Variants in CSNK2A1 observed in about 807,000 individuals in gnomAD.
CSNK2A1 encodes casein kinase II subunit alpha.
A neutral mutation model predicts 62.9 loss-of-function variants in CSNK2A1; 10 were observed. The observed-to-expected ratio is 0.16, with a 90% confidence interval of 0.10 to 0.27. The LOEUF (loss-of-function observed/expected upper bound fraction) is 0.27. Among genes scored for constraint, CSNK2A1 ranks in the 10% least tolerant of loss-of-function variants. CSNK2A1 has a pLI of 1.00. For missense variants in CSNK2A1, 160 were observed against 492.0 expected, an observed-to-expected ratio of 0.33 and a Z score of 6.38; for synonymous variants, 124 against 167.8, an observed-to-expected ratio of 0.74 and a Z score of 2.02.
chr20:534,813 G>A (rs1418578192), intron 1 of CSNK2A1, among the ~76,000 whole-genome samples: 1 of 151,140 alleles, frequency 6.6e-6, no homozygotes, highest in Non-Finnish European at 1.5e-5. Flanking sequence ...TGGATTGCCT[G>A]AGCTCAGGTG....
At chr20:491,038 G>A (rs1480086020) in intron 9 of CSNK2A1, among the ~76,000 whole-genome samples, 1 of 151,572 alleles carries the variant, frequency 6.6e-6, no homozygotes, top group Non-Finnish European at 1.5e-5. Context: ...ACAATTATTA[G>A]TAATACTGTA....
In CSNK2A1 at chr20:480,584, A is replaced by G. The variant is rs2017938979; in HGVS notation, c.*3377T>C. ...AAGTGATGACAGTGGGGGAAGTCGGATTCAGGATAAACCAATTTTAGACTC... is the reference window on the plus strand; with the variant it reads ...AAGTGATGACAGTGGGGGAAGTCGGGTTCAGGATAAACCAATTTTAGACTC... On this transcript the variant is annotated 3_prime_UTR_variant, in exon 14 of 14. Coordinates refer to ENST00000217244, the MANE Select transcript of CSNK2A1 (RefSeq NM_177559.3). The G allele has an allele frequency of 6.6e-6, 1 of 152,200 alleles. No homozygotes were observed. The highest frequency in any genetic ancestry group is 2.4e-5 in the African/African-American group (1 of 41,448). The allele number at this position is 152,200 out of a possible 1,614,324, so 9.4% of individuals were successfully genotyped here. A position where few individuals can be genotyped will look rare whatever the true frequency, so the allele number is the denominator to read the frequency against.
chr20:478,899 C>G lies in CSNK2A1; in HGVS notation c.*5062G>C. ...CTGTGATGGCGCTACTGCACTCTAG[C>G]CTGGGTAACAGAGCAAGACCCGTAT... On this transcript the variant is annotated 3_prime_UTR_variant, in exon 14 of 14. Transcript: ENST00000217244. The G allele has an allele frequency of 5.0e-6, 1 of 198,464 alleles. No individual in the cohort carries two copies. The allele number at this position is 198,464 out of a possible 1,614,324, so 12.3% of individuals were successfully genotyped here. A position where few individuals can be genotyped will look rare whatever the true frequency, so the allele number is the denominator to read the frequency against.
At chr20:510,874 A>G (rs1167430920) in intron 2 of CSNK2A1, among the ~76,000 whole-genome samples, 1 of 151,860 alleles carries the variant, frequency 6.6e-6, no homozygotes, top group Non-Finnish European at 1.5e-5. Flanking sequence ...GGGCTACCAC[A>G]GCTGGCTAAT....
In CSNK2A1 at chr20:495,756, T is replaced by C. The variant is rs2122531973; in HGVS notation, c.473A>G (p.Lys158Arg). The C allele has an allele frequency of 6.2e-7, 1 of 1,614,178 alleles. No individual in the cohort carries two copies. The change falls in exon 8 of 14, where the codon AAG becomes AGG. Residue 158 changes from lysine to arginine, a missense_variant. By Grantham distance (26) the Lys-to-Arg change is conservative. Coordinates refer to ENST00000217244, the MANE Select transcript of CSNK2A1 (RefSeq NM_177559.3). The part of the protein sequence containing the change: ...HSMGIMHRDV[K>R]PHNVMIDHEH... ...ATGATCAATCATGACATTATGGGGCTTGACATCTCTGTGCATAATTCCCAT... is the reference window on the plus strand; with the variant it reads ...ATGATCAATCATGACATTATGGGGCCTGACATCTCTGTGCATAATTCCCAT...
At chr20:514,177 C>T (rs2018782223) in intron 2 of CSNK2A1, among the ~76,000 whole-genome samples, 1 of 151,884 alleles carries the variant, frequency 6.6e-6, no homozygotes, top group Non-Finnish European at 1.5e-5. Context: ...GACCTCCTCT[C>T]TACAAATAAC....
rs1467777416 is a variant in CSNK2A1, at chr20:529,083, C to T, written c.-226-1034G>A. 3.3e-5 allele frequency among the ~76,000 whole-genome samples: 5 copies of T among 152,306 alleles called. No individual in the cohort carries two copies. The East Asian group carries it at 9.6e-4, about 29-fold the overall frequency. On this transcript the variant is annotated intron_variant, in intron 1 of 13. Transcript: ENST00000217244. ...AGAGACGAGGATTCACTCAGTCACC[C>T]AGGCTGGAGTGCAGTGGTGCAACCG...
chr20:487,842 G>A (rs1307864421), intron 11 of CSNK2A1: 13 of 474,626 alleles, frequency 2.7e-5, no homozygotes, highest in African/African-American at 5.8e-5. Flanking sequence ...GGACGTGACC[G>A]CTTCTGTGTA....
At chr20:523,858 CAAAAA>C (rs11401840) in intron 2 of CSNK2A1, among the ~76,000 whole-genome samples, 8 of 45,540 alleles carry the variant, frequency 1.8e-4, no homozygotes, top group African/African-American at 6.4e-4. Flanking sequence ...GACTCCATCT[CAAAAA>C]AAAAAAAAAA....
chr20:489,110 T>C, intron 10 of CSNK2A1: 1 of 251,162 alleles, frequency 4.0e-6, no homozygotes, highest in South Asian at 5.8e-5. Flanking sequence ...ACATTTCTAC[T>C]CTGAAGTTAT....
chr20:534,850 GA>G (rs1218857811), intron 1 of CSNK2A1, among the ~76,000 whole-genome samples: 1 of 147,684 alleles, frequency 6.8e-6, no homozygotes, highest in Non-Finnish European at 1.5e-5. Flanking sequence ...GAAACACAGT[GA>G]AACCCCATCT....
chr20:501,665 C>G (rs1363387587), intron 4 of CSNK2A1: 1 of 152,122 alleles, frequency 6.6e-6, no homozygotes, highest in Non-Finnish European at 1.5e-5. Context: ...GGCCTGCGTG[C>G]CTGCTGTACT....
chr20:490,693 T>C (rs1443336384), intron 9 of CSNK2A1, among the ~76,000 whole-genome samples: 1 of 147,250 alleles, frequency 6.8e-6, no homozygotes, highest in Non-Finnish European at 1.5e-5. Context: ...CGTGAGCCAC[T>C]GTGCCTGGCT....
intron 1 of CSNK2A1, among the ~76,000 whole-genome samples, chr20:541,878 G>A (rs956645331): frequency 6.6e-6 from 1 of 152,112 alleles, no homozygotes; most frequent in Non-Finnish European, 1.5e-5. Context: ...GCAAACCAAA[G>A]CCAAGTATTT....
At chr20:504,920 T>A in intron 4 of CSNK2A1, 198 bp downstream of exon 4, 1 of 544,298 alleles carries the variant, frequency 1.8e-6, no homozygotes, top group Non-Finnish European at 3.2e-6. Context: ...ATGAGTCAAC[T>A]CAAATCACTT....
chr20:529,074 T>A (rs2019156885), intron 1 of CSNK2A1, among the ~76,000 whole-genome samples: 4 of 152,160 alleles, frequency 2.6e-5, no homozygotes. Flanking sequence ...GAGGATTCAC[T>A]CAGTCACCCA....
intron 1 of CSNK2A1, among the ~76,000 whole-genome samples, chr20:536,199 A>G (rs756668564): frequency 7.2e-5 from 11 of 152,210 alleles, no homozygotes; most frequent in Non-Finnish European, 1.5e-4. Context: ...AACAGGCTAC[A>G]TTAGAAACAA....
chr20:540,242 G>A (rs1174149662), intron 1 of CSNK2A1, among the ~76,000 whole-genome samples: 2 of 152,136 alleles, frequency 1.3e-5, no homozygotes, highest in African/African-American at 2.4e-5. Context: ...AAATTCTCAA[G>A]AACCTAATGG....
chr20:490,518 C>T (rs1384112348), intron 9 of CSNK2A1, among the ~76,000 whole-genome samples: 2 of 149,610 alleles, frequency 1.3e-5, no homozygotes, highest in Non-Finnish European at 3.0e-5. Flanking sequence ...AATTCTCTGC[C>T]TCAGCCTCCT....
Sources: gnomAD v4.1 joint callset for allele counts (sites outside exome capture counted in the v4.1 genomes callset) on GRCh38, gnomAD v4.1.1 for gene constraint, MANE v1.5 for transcripts, NCBI Gene and HGNC (gene_info 2026-07-23, HGNC 2026-07-21) for gene names.